STK33: variants seen among roughly 807,000 people sequenced by gnomAD.
STK33 encodes the protein serine/threonine kinase 33.
In STK33, 52 loss-of-function variants were observed where a neutral mutation model predicts 58.0. That is an observed-to-expected ratio of 0.90 (90% CI 0.72 to 1.13). STK33 has a LOEUF of 1.13. Among genes scored for constraint, STK33 ranks in the 50% most tolerant of loss-of-function variants. The probability of loss-of-function intolerance (pLI) is 0.00; values close to 1 mark genes in which losing one functional copy is unlikely to be tolerated. For synonymous variants in STK33, 215 were observed against 200.1 expected (o/e 1.07, Z -0.63); for missense variants, 630 against 604.2 (o/e 1.04, Z -0.45).
chr11:8,388,852 C>G (rs1397309954), downstream of STK33, among the ~76,000 whole-genome samples: 2 of 152,236 alleles, frequency 1.3e-5, no homozygotes, highest in Non-Finnish European at 2.9e-5. Context: ...CCTGCCCTAC[C>G]TGGGTCCCAA....
chr11:8,478,159 T>C (rs1949458287), intron 2 of STK33, among the ~76,000 whole-genome samples: 1 of 151,436 alleles, frequency 6.6e-6, no homozygotes, highest in South Asian at 2.1e-4. Context: ...ACAAATCTAC[T>C]ATTTCACAGG....
intron 14 of STK33, among the ~76,000 whole-genome samples, chr11:8,416,864 G>T (rs1365935978): frequency 3.3e-5 from 5 of 152,132 alleles, no homozygotes; most frequent in African/African-American, 1.2e-4. Flanking sequence ...CCTGGACTAG[G>T]TGGTATAGAG....
At chr11:8,431,241 T>C (rs1943390642) in intron 14 of STK33, among the ~76,000 whole-genome samples, 1 of 152,120 alleles carries the variant, frequency 6.6e-6, no homozygotes, top group African/African-American at 2.4e-5. Context: ...ATTCAGAATG[T>C]ATGAATAACT....
intron 1 of STK33, among the ~76,000 whole-genome samples, chr11:8,538,935 G>C (rs982670335): frequency 2.6e-5 from 4 of 152,098 alleles, no homozygotes; most frequent in African/African-American, 9.7e-5. Flanking sequence ...ACTGCTATCT[G>C]GCCAATTAAC....
At chr11:8,447,698 C>T (rs1945688364) in intron 11 of STK33, among the ~76,000 whole-genome samples, 1 of 152,198 alleles carries the variant, frequency 6.6e-6, no homozygotes, top group Non-Finnish European at 1.5e-5. Flanking sequence ...TGGGCAAAAA[C>T]TGGAAGCATT....
chr11:8,534,556 CTCTCTCTCTCTCTGTGTGTGTG>C (rs1954819255), intron 1 of STK33, among the ~76,000 whole-genome samples: 1 of 130,558 alleles, frequency 7.7e-6, no homozygotes, highest in African/African-American at 3.2e-5. Context: ...CTCTCTCTCT[CTCTCTCTCTCTCTGTGTGTGTG>C]TGTGTGTGTG....
chr11:8,392,116 T>C lies in STK33; in HGVS notation c.*394A>G. 1 of 197,526 alleles carries C rather than the reference T, an allele frequency of 5.1e-6. No individual in the cohort carries two copies. 12.2% of individuals were successfully genotyped at this position (197,526 alleles called of 1,614,324 possible). Reference sequence around the variant, plus strand: ...TCTAGTGCAAAGTGCACATAATTATTTGGCACCTCCATTACTATATTTGGC... The same window carrying C: ...TCTAGTGCAAAGTGCACATAATTATCTGGCACCTCCATTACTATATTTGGC... On this transcript the variant is annotated 3_prime_UTR_variant, in exon 16 of 16. Coordinates refer to ENST00000687296, the MANE Select transcript of STK33 (RefSeq NM_001352389.2).
chr11:8,536,775 G>GTTGT (rs971181544), intron 1 of STK33, among the ~76,000 whole-genome samples: 11 of 149,668 alleles, frequency 7.3e-5, no homozygotes, highest in African/African-American at 2.5e-4. Flanking sequence ...TTGTTTATTT[G>GTTGT]TTGTTTGTTT....
downstream of STK33, among the ~76,000 whole-genome samples, chr11:8,388,498 T>C (rs574556221): frequency 1.3e-5 from 2 of 152,162 alleles, no homozygotes; most frequent in South Asian, 2.1e-4. Context: ...CTCAGAAAAA[T>C]GCAGGATCCT....
At chr11:8,355,757 T>C in the STK33 span, among the ~76,000 whole-genome samples, 1 of 152,142 alleles carries the variant, frequency 6.6e-6, no homozygotes, top group Non-Finnish European at 1.5e-5. Context: ...ACTAATACTA[T>C]CCACTGAGGG....
chr11:8,473,790 A>G (rs1949009547), intron 5 of STK33, among the ~76,000 whole-genome samples: 2 of 152,188 alleles, frequency 1.3e-5, no homozygotes, highest in African/African-American at 4.8e-5. Context: ...AATTTTGAGG[A>G]ATGGGAACCT....
intron 1 of STK33, among the ~76,000 whole-genome samples, chr11:8,532,670 G>T (rs1954645879): frequency 6.6e-6 from 1 of 152,220 alleles, no homozygotes; most frequent in African/African-American, 2.4e-5. Context: ...TGTTGAAGAG[G>T]ATGTGAGACT....
the STK33 span, among the ~76,000 whole-genome samples, chr11:8,335,801 T>G: frequency 2.0e-5 from 3 of 152,202 alleles, no homozygotes; most frequent in Admixed American, 6.5e-5. Context: ...GAATGAGATA[T>G]TTTACATTCT....
chr11:8,522,168 C>G (rs1953514349), intron 1 of STK33, among the ~76,000 whole-genome samples: 1 of 152,186 alleles, frequency 6.6e-6, no homozygotes, highest in African/African-American at 2.4e-5. Context: ...TATAAAGACA[C>G]ATGCACATGA....
chr11:8,581,668 G>T (rs2030297960), intron 1 of STK33, among the ~76,000 whole-genome samples: 1 of 152,196 alleles, frequency 6.6e-6, no homozygotes, highest in Non-Finnish European at 1.5e-5. Context: ...TCAAAGAGAA[G>T]ATACGTAACT....
chr11:8,587,491 A>C (rs1405924091), intron 1 of STK33, among the ~76,000 whole-genome samples: 1 of 151,804 alleles, frequency 6.6e-6, no homozygotes, highest in African/African-American at 2.4e-5. Flanking sequence ...AACACGAGGC[A>C]CACCTCCCTA....
chr11:8,569,460 T>A (rs1365806318), intron 1 of STK33, among the ~76,000 whole-genome samples: 1 of 152,136 alleles, frequency 6.6e-6, no homozygotes, highest in Non-Finnish European at 1.5e-5. Flanking sequence ...CCCACAGACA[T>A]TAACTTGAAA....
chr11:8,559,555 G>A (rs1171694959), intron 1 of STK33, among the ~76,000 whole-genome samples: 1 of 152,150 alleles, frequency 6.6e-6, no homozygotes, highest in Non-Finnish European at 1.5e-5. Context: ...CTAAATCTTT[G>A]TTGAACAAAC....
chr11:8,454,798 T>C lies in STK33; in HGVS notation c.732A>G (p.Ile244Met), dbSNP rs1946654370. Residue 244 changes from isoleucine (I) to methionine (M), a missense_variant, in exon 10 of 16, where the codon ATA (isoleucine) becomes ATG (methionine). By Grantham distance (10) the Ile-to-Met change is conservative. Transcript: ENST00000687296. ...IVHRDLKLEN[I>M]MVKSSLIDDN... ...CATCAATAAGACTGCTTTTAACCAT[T>C]ATATTTTCCAGTTTCAGATCTCTAT... 5 of 1,571,410 alleles carry C rather than the reference T, an allele frequency of 3.2e-6. No homozygotes were observed. The highest frequency in any genetic ancestry group is 4.3e-6 in the Non-Finnish European group (5 of 1,155,184).
Sources: allele counts gnomAD v4.1 joint callset (sites outside exome capture counted in the v4.1 genomes callset), GRCh38; gene constraint gnomAD v4.1.1; transcripts MANE v1.5; gene names NCBI Gene and HGNC (gene_info 2026-07-23, HGNC 2026-07-21).